The following PALM2AKAP2 variants were observed in gnomAD, a reference collection of about 807,000 sequenced individuals.
PALM2AKAP2 encodes the protein PALM2-AKAP2 fusion protein.
A neutral mutation model predicts 71.5 loss-of-function variants in PALM2AKAP2; 37 were observed. That is an observed-to-expected ratio of 0.52 (90% CI 0.40 to 0.68). The LOEUF is 0.68. Among genes scored for constraint, PALM2AKAP2 ranks in the 30% least tolerant of loss-of-function variants. The pLI is 0.00. For missense variants in PALM2AKAP2, 1,224 were observed against 1,191.8 expected, an observed-to-expected ratio of 1.03 and a Z score of -0.40; for synonymous variants, 468 against 478.8, an observed-to-expected ratio of 0.98 and a Z score of 0.29.
chr9:109,724,080 G>T (rs929001161), intron 1 of PALM2AKAP2, among the ~76,000 whole-genome samples: 1 of 152,122 alleles, frequency 6.6e-6, no homozygotes, highest in Admixed American at 6.5e-5. Flanking sequence ...CAATGTGAAG[G>T]CTTACAGAGA....
At chr9:110,112,723 T>C (rs1468377538) in intron 1 of PALM2AKAP2, among the ~76,000 whole-genome samples, 1 of 152,260 alleles carries the variant, frequency 6.6e-6, no homozygotes, top group Admixed American at 6.5e-5. Context: ...TTAAAGGCCC[T>C]GAGACAGATT....
chr9:109,810,404 A>G (rs1827698021), intron 1 of PALM2AKAP2, among the ~76,000 whole-genome samples: 3 of 152,192 alleles, frequency 2.0e-5, no homozygotes, highest in Admixed American at 6.5e-5. Context: ...GGGACCTAGA[A>G]TTTAAGAAAG....
intron 1 of PALM2AKAP2, among the ~76,000 whole-genome samples, chr9:110,135,164 A>AAAAAATAT: frequency 1.2e-4 from 6 of 51,724 alleles, no homozygotes; most frequent in East Asian, 1.3e-3. Flanking sequence ...AAAAAAAAAA[A>AAAAAATAT]ATATATAAAT....
At chr9:109,643,570 C>T (rs1354623927) in intron 1 of PALM2AKAP2, among the ~76,000 whole-genome samples, 1 of 152,198 alleles carries the variant, frequency 6.6e-6, no homozygotes, top group African/African-American at 2.4e-5. Context: ...AAGCTCACAC[C>T]TGGAACTCCT....
chr9:110,135,152 CAA>C lies in PALM2AKAP2; in HGVS notation c.157-963_157-962del, dbSNP rs1198538795. Among the ~76,000 whole-genome samples, 30 of 27,024 alleles carry C rather than the reference CAA, an allele frequency of 1.1e-3. 2 individuals are homozygous for C. The highest frequency in any genetic ancestry group is 4.2e-3 in the African/African-American group (28 of 6,712). 17.7% of individuals were successfully genotyped at this position (27,024 alleles called of 152,430 possible). On this transcript the variant is annotated intron_variant, in intron 1 of 3. Coordinates refer to ENST00000374525, the Ensembl canonical transcript of PALM2AKAP2. ...GAGACATGGAGGAACTCTGTCTCTA[CAA>C]AAAAAAAAAAATATATAAATATATA... is the stretch of plus-strand genomic sequence containing the variant.
At chr9:110,054,883 G>A (rs551665446) in intron 1 of PALM2AKAP2, among the ~76,000 whole-genome samples, 2 of 152,198 alleles carry the variant, frequency 1.3e-5, no homozygotes, top group South Asian at 2.1e-4. Flanking sequence ...GGCATGAGCC[G>A]CCATGTGCTG....
intron 2 of PALM2AKAP2, among the ~76,000 whole-genome samples, chr9:110,155,041 T>C (rs1295488913): frequency 6.6e-6 from 1 of 152,210 alleles, no homozygotes; most frequent in Non-Finnish European, 1.5e-5. Flanking sequence ...GTTAAAAACC[T>C]GGGTTTCCTG....
intron 5 of PALM2AKAP2, among the ~76,000 whole-genome samples, chr9:109,930,117 CAT>C (rs1167807029): frequency 6.6e-6 from 1 of 152,158 alleles, no homozygotes; most frequent in East Asian, 1.9e-4. Context: ...AGCTCCAACA[CAT>C]ATAAGGCACC....
Position 109,647,447 on chromosome 9 carries a change from C to T in PALM2AKAP2, c.5+6581C>T, listed in dbSNP as rs115558741. 4.3e-3 allele frequency among the ~76,000 whole-genome samples: 653 copies of T among 152,278 alleles called. 3 individuals are homozygous for T. Among genetic ancestry groups the T allele is most frequent in the African/African-American group, 0.015 (619 of 41,556 alleles). ...CTTGTCCACACTGCAAATAAGTCTG[C>T]ATACAATTTTCTAGAAATGAAATTG... On this transcript the variant is annotated intron_variant, in intron 1 of 6. Transcript: ENST00000374531.
intron 1 of PALM2AKAP2, among the ~76,000 whole-genome samples, chr9:109,749,508 T>C (rs546883727): frequency 6.7e-6 from 1 of 149,998 alleles, no homozygotes; most frequent in African/African-American, 2.5e-5. Context: ...AGGTTGGCTA[T>C]ATGTGAATTG....
chr9:109,698,083 G>A (rs1266813634), intron 1 of PALM2AKAP2, among the ~76,000 whole-genome samples: 1 of 152,142 alleles, frequency 6.6e-6, no homozygotes, highest in African/African-American at 2.4e-5. Flanking sequence ...TGATGTCAAT[G>A]CACAGTCCTG....
At chr9:109,910,782 G>A (rs139906605) in intron 3 of PALM2AKAP2, among the ~76,000 whole-genome samples, 1,806 of 151,508 alleles carry the variant, frequency 0.012, 44 homozygotes, top group African/African-American at 0.041. Context: ...ACTTGACTAG[G>A]AGCAGACGCA....
chr9:109,974,781 TCAAA>T (rs1225389454), intron 6 of PALM2AKAP2, among the ~76,000 whole-genome samples: 2 of 152,166 alleles, frequency 1.3e-5, no homozygotes, highest in Non-Finnish European at 2.9e-5. Flanking sequence ...TGATTGCCCC[TCAAA>T]CAGAGATGGC....
chr9:109,779,610 T>C (rs758789266), upstream of PALM2AKAP2, among the ~76,000 whole-genome samples: 3 of 152,214 alleles, frequency 2.0e-5, no homozygotes, highest in Non-Finnish European at 4.4e-5. Context: ...AAATCTAGTC[T>C]AGCACCCAGG....
chr9:109,880,503 T>A lies in PALM2AKAP2; in HGVS notation c.127-48T>A, dbSNP rs755341703. On this transcript the variant is annotated intron_variant, in intron 2 of 9. Transcript: ENST00000302798. ...ACCACTGCAGAGGGAGAGGACAGTG[T>A]GGACTGAAAAGTATCATCTTGTCTG... is the stretch of plus-strand genomic sequence containing the variant. 5.6e-6 allele frequency: 9 copies of A among 1,606,772 alleles called. No homozygotes were observed. The Admixed American group carries it at 1.5e-4, about 27-fold the overall frequency.
intron 7 of PALM2AKAP2, among the ~76,000 whole-genome samples, chr9:110,037,248 T>A (rs1171020472): frequency 1.3e-5 from 2 of 152,202 alleles, no homozygotes; most frequent in Non-Finnish European, 2.9e-5. Context: ...TTGCCCAGGC[T>A]GGAGTGCAAT....
At chr9:109,640,891 C>T (rs1384170332) in intron 1 of PALM2AKAP2, 1 of 1,513,720 alleles carries the variant, frequency 6.6e-7, no homozygotes, top group African/African-American at 1.4e-5. Context: ...GCCGCGCCGC[C>T]AGCTGCTCTC....
intron 1 of PALM2AKAP2, among the ~76,000 whole-genome samples, chr9:109,726,575 C>T: frequency 6.6e-6 from 1 of 152,188 alleles, no homozygotes; most frequent in East Asian, 1.9e-4. Context: ...TAAATGTTTG[C>T]TTTCCATTGT....
intron 1 of PALM2AKAP2, among the ~76,000 whole-genome samples, chr9:109,823,181 A>G (rs377392252): frequency 8.5e-5 from 13 of 152,304 alleles, no homozygotes; most frequent in African/African-American, 3.1e-4. Context: ...AGCAGGACAG[A>G]CATGGCCAAA....
Sources: allele counts gnomAD v4.1 joint callset (sites outside exome capture counted in the v4.1 genomes callset), GRCh38; gene constraint gnomAD v4.1.1; transcripts MANE v1.5; gene names NCBI Gene and HGNC (gene_info 2026-07-23, HGNC 2026-07-21).